Variants in PKIA observed in about 807,000 individuals in gnomAD.
PKIA encodes the protein cAMP-dependent protein kinase inhibitor alpha, also known as PKI-alpha.
In PKIA, 4 loss-of-function variants were observed where a neutral mutation model predicts 7.6. The observed-to-expected ratio is 0.52, with a 90% CI of 0.26 to 1.20. The LOEUF (loss-of-function observed/expected upper bound fraction) is 1.20, where lower values mean the gene tolerates loss of function less well. PKIA is among the 50% of genes most tolerant of loss of function. The pLI, the probability that PKIA is intolerant of heterozygous loss-of-function variation, is 0.13. For synonymous variants in PKIA, 21 were observed against 30.7 expected (o/e 0.68, Z 1.04); for missense variants, 73 against 86.2 (o/e 0.85, Z 0.61).
chr8:78,525,565 A>C (rs578212059), intron 1 of PKIA, among the ~76,000 whole-genome samples: 3 of 152,180 alleles, frequency 2.0e-5, no homozygotes, highest in African/African-American at 7.2e-5. Context: ...GGCAATACTT[A>C]AATGTTTAAA....
intron 1 of PKIA, among the ~76,000 whole-genome samples, chr8:78,561,126 G>T (rs866841215): frequency 3.3e-5 from 5 of 152,158 alleles, no homozygotes; most frequent in Non-Finnish European, 7.4e-5. Flanking sequence ...TTGCGAATTT[G>T]CCTTCCTCTG....
intron 1 of PKIA, among the ~76,000 whole-genome samples, chr8:78,527,330 ATACACATATAT>A (rs1301786342): frequency 6.6e-6 from 1 of 152,090 alleles, no homozygotes; most frequent in Non-Finnish European, 1.5e-5. Context: ...ACATACAAGT[ATACACATATAT>A]TACACATATT....
At chr8:78,532,465 GTGCCAC>G (rs1287898197) in intron 1 of PKIA, among the ~76,000 whole-genome samples, 1 of 149,220 alleles carries the variant, frequency 6.7e-6, no homozygotes, top group African/African-American at 2.5e-5. Context: ...AGCTGAGATT[GTGCCAC>G]TGCACTCCAG....
intron 2 of PKIA, among the ~76,000 whole-genome samples, chr8:78,575,978 A>G (rs1479645808): frequency 6.6e-6 from 1 of 151,992 alleles, no homozygotes; most frequent in Non-Finnish European, 1.5e-5. Context: ...CTTGAAGACT[A>G]CTGCCCTCCT....
intron 1 of PKIA, among the ~76,000 whole-genome samples, chr8:78,567,155 A>G (rs960822273): frequency 4.6e-5 from 7 of 152,152 alleles, no homozygotes; most frequent in African/African-American, 1.7e-4. Context: ...TACATACTAT[A>G]CCCATTTTTC....
intron 1 of PKIA, among the ~76,000 whole-genome samples, chr8:78,526,464 T>C (rs947703013): frequency 6.6e-6 from 1 of 152,072 alleles, no homozygotes; most frequent in South Asian, 2.1e-4. Flanking sequence ...TAAGGGTGCT[T>C]ATTTCAGAAG....
chr8:78,533,067 G>A (rs1339968304), intron 1 of PKIA, among the ~76,000 whole-genome samples: 2 of 152,072 alleles, frequency 1.3e-5, no homozygotes, highest in Admixed American at 6.6e-5. Context: ...CACCAGGGTG[G>A]GCTTCATCTA....
At chr8:78,589,681 C>A (rs1428085374) in intron 2 of PKIA, among the ~76,000 whole-genome samples, 2 of 152,060 alleles carry the variant, frequency 1.3e-5, no homozygotes, top group Non-Finnish European at 2.9e-5. Context: ...TATTCTGCAC[C>A]CCTACACACT....
rs567937464 is a variant in PKIA at position 78,595,677 on chromosome 8, G to A, written c.-27-2681G>A. ...TTAGCTACCACTTATAAGTGAGAAC[G>A]TGCAGTGTTTGGTTTTCTGTTCCTG... On this transcript the variant is annotated intron_variant, in intron 2 of 3. Coordinates refer to ENST00000396418, the MANE Select transcript of PKIA (RefSeq NM_006823.4). 8.5e-5 allele frequency among the ~76,000 whole-genome samples: 13 copies of A among 152,162 alleles called. No homozygotes were observed. The South Asian group carries it at 1.2e-3, about 15-fold the overall frequency.
chr8:78,531,269 C>G (rs1563568220), intron 1 of PKIA, among the ~76,000 whole-genome samples: 1 of 152,066 alleles, frequency 6.6e-6, no homozygotes, highest in Non-Finnish European at 1.5e-5. Context: ...AGAACCTTCT[C>G]AAAAATAATA....
At chr8:78,518,196 T>C (rs1160733460) in intron 1 of PKIA, among the ~76,000 whole-genome samples, 1 of 152,238 alleles carries the variant, frequency 6.6e-6, no homozygotes, top group Non-Finnish European at 1.5e-5. Context: ...GGTGAGGGTG[T>C]AGGGGGTGGG....
chr8:78,567,800 G>C (rs1807454093), intron 1 of PKIA, among the ~76,000 whole-genome samples: 1 of 152,132 alleles, frequency 6.6e-6, no homozygotes, highest in Non-Finnish European at 1.5e-5. Context: ...GTAAGAATCT[G>C]TGGACATTAA....
At chr8:78,543,901 T>C (rs984937649) in intron 1 of PKIA, among the ~76,000 whole-genome samples, 1 of 152,152 alleles carries the variant, frequency 6.6e-6, no homozygotes, top group African/African-American at 2.4e-5. Flanking sequence ...AACCTATGGC[T>C]GCAGCTCCGT....
intron 1 of PKIA, among the ~76,000 whole-genome samples, chr8:78,563,474 G>T (rs1377828022): frequency 1.3e-5 from 2 of 152,108 alleles, no homozygotes; most frequent in Non-Finnish European, 2.9e-5. Flanking sequence ...GATTAAAGGT[G>T]GGGTGGTAAA....
Position 78,602,691 on chromosome 8 carries a change from CATAAT to C in PKIA, c.*874_*878del, listed in dbSNP as rs960115329. On this transcript the variant is annotated 3_prime_UTR_variant, in exon 4 of 4. Transcript: ENST00000396418. ...ATTCTCAAGTGGAGAACTTCTCCCACATAATATATATATATATATATATTTTAATT... is the reference window on the plus strand; with the variant it reads ...ATTCTCAAGTGGAGAACTTCTCCCACATATATATATATATATATTTTAATT... 11 of 126,640 alleles carry C rather than the reference CATAAT, an allele frequency of 8.7e-5. No individual in the cohort carries two copies. The highest frequency in any genetic ancestry group is 3.2e-4 in the African/African-American group (10 of 31,032). 7.8% of individuals were successfully genotyped at this position (126,640 alleles called of 1,614,324 possible).
At chr8:78,585,479 T>A (rs1807929338) in intron 2 of PKIA, among the ~76,000 whole-genome samples, 1 of 152,056 alleles carries the variant, frequency 6.6e-6, no homozygotes. Context: ...ATAAAAAGAT[T>A]AACAAAAAAT....
intron 1 of PKIA, among the ~76,000 whole-genome samples, chr8:78,540,278 G>T (rs1806647027): frequency 6.6e-6 from 1 of 152,030 alleles, no homozygotes; most frequent in Non-Finnish European, 1.5e-5. Flanking sequence ...ATTAGGGAGG[G>T]TAAGAACTCT....
intron 1 of PKIA, among the ~76,000 whole-genome samples, chr8:78,536,159 T>C (rs1165390937): frequency 6.6e-6 from 1 of 152,116 alleles, no homozygotes; most frequent in Admixed American, 6.6e-5. Flanking sequence ...GGGTATGACC[T>C]GTATATTTTT....
At chr8:78,598,580 G>A in intron 3 of PKIA, 45 bp downstream of exon 3, 1 of 1,527,992 alleles carries the variant, frequency 6.5e-7, no homozygotes, top group Non-Finnish European at 9.0e-7. Flanking sequence ...GGAATGATTT[G>A]CGGCATTTTA....
Sources: gnomAD v4.1 joint callset for allele counts (sites outside exome capture counted in the v4.1 genomes callset) on GRCh38, gnomAD v4.1.1 for gene constraint, MANE v1.5 for transcripts, NCBI Gene and HGNC (gene_info 2026-07-23, HGNC 2026-07-21) for gene names.